HSPA4L: variants seen among roughly 807,000 people sequenced by gnomAD.
HSPA4L encodes heat shock protein family A (Hsp70) member 4 like, also known as heat shock 70 kDa protein 4L.
In HSPA4L, 48 loss-of-function variants were observed where a neutral mutation model predicts 100.3. The observed-to-expected ratio is 0.48, with a 90% CI of 0.38 to 0.61. HSPA4L has a LOEUF of 0.61. Ranked by LOEUF, HSPA4L falls within the 20% of genes least tolerant of loss-of-function variation. The pLI is 0.00. For missense variants in HSPA4L, 886 were observed against 988.6 expected, an observed-to-expected ratio of 0.90 and a Z score of 1.39; for synonymous variants, 319 against 328.2, an observed-to-expected ratio of 0.97 and a Z score of 0.30.
At chr4:127,809,149 T>TA (rs995450355) in intron 11 of HSPA4L, 1 of 802,142 alleles carries the variant, frequency 1.2e-6, no homozygotes, top group African/African-American at 1.7e-5. Context: ...CCACTGCACA[T>TA]AATTGAAACA....
chr4:127,829,461 G>A (rs1311827810), intron 17 of HSPA4L, among the ~76,000 whole-genome samples: 1 of 152,028 alleles, frequency 6.6e-6, no homozygotes, highest in Non-Finnish European at 1.5e-5. Flanking sequence ...AGCAAGAAAT[G>A]ATGGAGGCTT....
intron 18 of HSPA4L, 83 bp from the exon 19 acceptor site, chr4:127,832,600 A>C (rs141063661): frequency 8.3e-7 from 1 of 1,207,654 alleles, no homozygotes; most frequent in East Asian, 2.4e-5. Flanking sequence ...GTGAAAATTT[A>C]GAAAGTTAAT....
chr4:127,799,298 G>T (rs1389067787), intron 4 of HSPA4L, among the ~76,000 whole-genome samples: 1 of 151,772 alleles, frequency 6.6e-6, no homozygotes, highest in African/African-American at 2.4e-5. Flanking sequence ...TTTTTCATAG[G>T]CATTTGGAAT....
At chr4:127,824,072 T>A (rs554464570) in intron 16 of HSPA4L, among the ~76,000 whole-genome samples, 1 of 152,348 alleles carries the variant, frequency 6.6e-6, no homozygotes, top group Non-Finnish European at 1.5e-5. Context: ...TTTTTTAGAT[T>A]CAACCTTTGA....
intron 17 of HSPA4L, among the ~76,000 whole-genome samples, chr4:127,828,383 G>A (rs1734000603): frequency 6.6e-6 from 1 of 152,052 alleles, no homozygotes; most frequent in Non-Finnish European, 1.5e-5. Flanking sequence ...AGTACTTTAT[G>A]TGGATTATCT....
intron 4 of HSPA4L, among the ~76,000 whole-genome samples, chr4:127,799,452 G>T (rs1733114213): frequency 6.6e-6 from 1 of 151,898 alleles, no homozygotes; most frequent in Non-Finnish European, 1.5e-5. Flanking sequence ...TATAAGGTAG[G>T]GATATTATTA....
chr4:127,826,398 A>G (rs1031334558), intron 16 of HSPA4L, among the ~76,000 whole-genome samples: 25 of 152,064 alleles, frequency 1.6e-4, no homozygotes, highest in Admixed American at 6.5e-4. Flanking sequence ...CCCTGTCCCA[A>G]TGGAAAAAAA....
chr4:127,823,505 A>G lies in HSPA4L; in HGVS notation c.1939-12A>G. 2 of 1,560,898 alleles carry G rather than the reference A, an allele frequency of 1.3e-6. No individual in the cohort carries two copies. The highest frequency in any genetic ancestry group is 2.2e-5 in the East Asian group (1 of 44,560). Reference sequence around the variant, plus strand: ...AGTATTTTTAATTAGTGTCTCTCAAATATATTACTAGGACTTGAGTAAACT... The same window carrying G: ...AGTATTTTTAATTAGTGTCTCTCAAGTATATTACTAGGACTTGAGTAAACT... On this transcript the variant is annotated splice_polypyrimidine_tract_variant and intron_variant, in intron 15 of 18. Coordinates refer to ENST00000296464, the MANE Select transcript of HSPA4L (RefSeq NM_014278.4).
chr4:127,781,804 A>T (rs912584250), upstream of HSPA4L: 1 of 221,376 alleles, frequency 4.5e-6, no homozygotes, highest in Non-Finnish European at 9.4e-6. Context: ...CCACAAGGGG[A>T]GGGCGCCGGG....
rs769924862 is a variant in HSPA4L, at chr4:127,798,695, G to A, written c.415G>A (p.Asp139Asn). ...AAATGCTTTGAAGAAACCAGTGGCT[G>A]ACTGTGTGATTTCAGTAAGTTTTAC... is the stretch of plus-strand genomic sequence containing the variant. Reference protein sequence around the residue: ...SENALKKPVADCVISIPSFFT... With the variant: ...SENALKKPVANCVISIPSFFT... The change falls in exon 4 of 19, where the codon GAC (aspartate) becomes AAC (asparagine). Residue 139 changes from aspartate (D) to asparagine (N), a missense_variant. Asp to Asn is a conservative substitution (Grantham distance 23, BLOSUM62 1). Transcript: ENST00000296464. The A allele has an allele frequency of 7.4e-6, 12 of 1,613,536 alleles. No homozygotes were observed. The South Asian group carries it at 1.3e-4, about 18-fold the overall frequency.
At chr4:127,813,677 C>G (rs1733601482) in intron 12 of HSPA4L, among the ~76,000 whole-genome samples, 2 of 152,198 alleles carry the variant, frequency 1.3e-5, no homozygotes, top group South Asian at 2.1e-4. Context: ...CAGTCTCGCT[C>G]TGTTGCCCAG....
chr4:127,806,484 T>A (rs997980902), intron 10 of HSPA4L, among the ~76,000 whole-genome samples: 1 of 152,018 alleles, frequency 6.6e-6, no homozygotes, highest in East Asian at 1.9e-4. Context: ...GGATACTGGT[T>A]TATATTCCTA....
Position 127,837,355 on chromosome 4 carries a change from A to T in HSPA4L, c.*4481A>T, listed in dbSNP as rs1395437694. The T allele has an allele frequency of 6.6e-6, 1 of 152,200 alleles. No homozygotes were observed. The highest frequency in any genetic ancestry group is 1.5e-5 in the Non-Finnish European group (1 of 68,018). The allele number at this position is 152,200 out of a possible 1,614,324, so 9.4% of individuals were successfully genotyped here. ...TGATATTTTATTGTATAAACTGTTA[A>T]TGAGAGGCACAGCTAATTGTACATA... On this transcript the variant is annotated 3_prime_UTR_variant, in exon 19 of 19. Transcript: ENST00000296464.
chr4:127,807,903 C>T, intron 10 of HSPA4L, 93 bp from the exon 11 acceptor site: 2 of 1,251,490 alleles, frequency 1.6e-6, no homozygotes, highest in Admixed American at 5.1e-5. Context: ...TTTGCAGTTG[C>T]TGCTAATGAA....
Position 127,782,483 on chromosome 4 carries a change from G to T in HSPA4L, c.-68G>T. The T allele has an allele frequency of 7.6e-7, 1 of 1,309,070 alleles. No individual in the cohort carries two copies. The highest frequency in any genetic ancestry group is 1.1e-6 in the Non-Finnish European group (1 of 907,120). 81.1% of individuals were successfully genotyped at this position (1,309,070 alleles called of 1,614,324 possible). ...AGGAGTCGCAATCCCAGCAGCAATA[G>T]CCCAGAAGAGGACACGGTTCCCGTA... On this transcript the variant is annotated 5_prime_UTR_variant, in exon 1 of 19. Transcript: ENST00000296464.
At chr4:127,830,198 A>G (rs2148801112) in intron 17 of HSPA4L, among the ~76,000 whole-genome samples, 1 of 152,264 alleles carries the variant, frequency 6.6e-6, no homozygotes, top group Admixed American at 6.5e-5. Flanking sequence ...GTTGTGTATT[A>G]CATGTGACAG....
chr4:127,807,694 G>A (rs1216780258), intron 10 of HSPA4L, among the ~76,000 whole-genome samples: 5 of 151,960 alleles, frequency 3.3e-5, no homozygotes, highest in Non-Finnish European at 7.4e-5. Flanking sequence ...GTAGGACTTG[G>A]CCCTCATATG....
At chr4:127,822,191 A>G (rs1250286474) in intron 14 of HSPA4L, among the ~76,000 whole-genome samples, 1 of 152,140 alleles carries the variant, frequency 6.6e-6, no homozygotes, top group Non-Finnish European at 1.5e-5. Flanking sequence ...CCCTTCTCCC[A>G]GTTCCCTACT....
rs201056473 is a variant in HSPA4L, at chr4:127,803,987, G to T, written c.909-24G>T. 4.3e-6 allele frequency: 7 copies of T among 1,611,370 alleles called. No individual in the cohort carries two copies. The African/African-American group carries it at 8.0e-5, about 18-fold the overall frequency. On this transcript the variant is annotated intron_variant, in intron 7 of 18. Coordinates refer to ENST00000296464, the MANE Select transcript of HSPA4L (RefSeq NM_014278.4). ...GCTCAACTTTTAATCCCAGAATAAT[G>T]AATTTTATTCTATTTTCTCACAGGG...
Sources: allele counts gnomAD v4.1 joint callset (sites outside exome capture counted in the v4.1 genomes callset), GRCh38; gene constraint gnomAD v4.1.1; transcripts MANE v1.5; gene names NCBI Gene and HGNC (gene_info 2026-07-23, HGNC 2026-07-21).